Variants in DNAH11 observed in about 807,000 individuals in gnomAD.
DNAH11 encodes dynein axonemal heavy chain 11.
DNAH11 carries 442 observed loss-of-function variants against 526.0 expected under a neutral mutation model. The ratio of observed to expected loss-of-function variants is 0.84; its 90% confidence interval spans 0.78 to 0.91. The LOEUF (loss-of-function observed/expected upper bound fraction) is 0.91. DNAH11 is among the 40% of genes least tolerant of loss of function. The pLI is 0.00. For missense variants in DNAH11, 6,989 were observed against 5,448.7 expected (o/e 1.28, Z -8.90); for synonymous variants, 2,461 against 1,935.9 (o/e 1.27, Z -7.12).
intron 55 of DNAH11, among the ~76,000 whole-genome samples, chr7:21,769,800 T>C (rs1236974435): frequency 1.3e-5 from 2 of 152,090 alleles, no homozygotes; most frequent in Non-Finnish European, 2.9e-5. Context: ...TCATTTTTCC[T>C]CCACTCCTCC....
Position 21,779,033 on chromosome 7 carries a change from A to G in DNAH11, c.9412A>G (p.Ile3138Val), listed in dbSNP as rs1299029797. 2 of 1,613,400 alleles carry G rather than the reference A, an allele frequency of 1.2e-6. No homozygotes were observed. The highest frequency in any genetic ancestry group is 8.5e-7 in the Non-Finnish European group (1 of 1,179,620). Residue 3138 changes from isoleucine to valine, a missense_variant, in exon 57 of 82, where the codon ATC becomes GTC. By Grantham distance (29) the Ile-to-Val change is conservative (BLOSUM62 3). Coordinates refer to ENST00000409508, the MANE Select transcript of DNAH11 (RefSeq NM_001277115.2). ...GAGAAATCATGATGCCGAAGCTCTG[A>G]TCACAAAGATCGGCCTTCAGACGGA... ...QLRNHDAEALITKIGLQTEKV... is the reference protein window; with the variant it reads ...QLRNHDAEALVTKIGLQTEKV...
At chr7:21,571,781 G>T (rs66476925) in intron 7 of DNAH11, 25 bp from the exon 8 acceptor site, 2 of 1,581,754 alleles carry the variant, frequency 1.3e-6, no homozygotes, top group Non-Finnish European at 1.7e-6. Flanking sequence ...GTAGTGGAAA[G>T]GTCTTTACTG....
intron 61 of DNAH11, among the ~76,000 whole-genome samples, chr7:21,799,813 C>T (rs75878942): frequency 0.012 from 1,795 of 152,226 alleles, 38 homozygotes; most frequent in African/African-American, 0.041. Context: ...CAAATATAGT[C>T]TGTCTCTAAA....
At chr7:21,791,959 C>T (rs1788496815) in intron 61 of DNAH11, among the ~76,000 whole-genome samples, 1 of 152,176 alleles carries the variant, frequency 6.6e-6, no homozygotes, top group African/African-American at 2.4e-5. Context: ...GTACAGGAAG[C>T]ATAGCAGTTC....
intron 44 of DNAH11, among the ~76,000 whole-genome samples, chr7:21,724,208 T>C (rs1260035183): frequency 6.6e-6 from 1 of 152,234 alleles, no homozygotes; most frequent in Non-Finnish European, 1.5e-5. Flanking sequence ...AGTAATATCA[T>C]CTGAACTGTC....
At chr7:21,780,459 C>T (rs543613669) in intron 57 of DNAH11, among the ~76,000 whole-genome samples, 122 of 152,278 alleles carry the variant, frequency 8.0e-4, no homozygotes, top group South Asian at 2.3e-3. Flanking sequence ...TCACCGTTAG[C>T]TAATTCTACC....
At chr7:21,870,656 AT>A (rs2128036920) in intron 73 of DNAH11, among the ~76,000 whole-genome samples, 1 of 152,312 alleles carries the variant, frequency 6.6e-6, no homozygotes, top group African/African-American at 2.4e-5. Context: ...AAAATAAACT[AT>A]TTCCATTACT....
intron 68 of DNAH11, among the ~76,000 whole-genome samples, chr7:21,860,367 C>T (rs7789323): frequency 2.6e-5 from 4 of 151,830 alleles, no homozygotes; most frequent in African/African-American, 9.7e-5. Flanking sequence ...GGCACAGCCA[C>T]TATGGAAAAC....
At chr7:21,690,653 C>A in intron 34 of DNAH11, 112 bp from the exon 35 acceptor site, 2 of 736,780 alleles carry the variant, frequency 2.7e-6, no homozygotes, top group East Asian at 2.8e-5. Context: ...AAGAAAATTA[C>A]ACAGAATAAA....
rs1292305150 is a variant in DNAH11, at chr7:21,760,840, G to C, written c.8941-4588G>C. Among the ~76,000 whole-genome samples, 19 of 139,808 alleles carry C rather than the reference G, an allele frequency of 1.4e-4. No homozygotes were observed. The Admixed American group carries it at 1.5e-3, about 11-fold the overall frequency. The allele number at this position is 139,808 out of a possible 152,430, so 91.7% of individuals were successfully genotyped here. A position where few individuals can be genotyped will look rare whatever the true frequency, so the allele number is the denominator to read the frequency against. On this transcript the variant is annotated intron_variant, in intron 54 of 81. Coordinates refer to ENST00000409508, the MANE Select transcript of DNAH11 (RefSeq NM_001277115.2). Reference sequence around the variant, plus strand: ...GTGTAGCCCTTATTGGTGTATTCCAGATATTAACCAACAGCCCCTAAGGTG... The same window carrying C: ...GTGTAGCCCTTATTGGTGTATTCCACATATTAACCAACAGCCCCTAAGGTG...
At chr7:21,833,264 G>C (rs1760058039) in intron 65 of DNAH11, among the ~76,000 whole-genome samples, 1 of 152,170 alleles carries the variant, frequency 6.6e-6, no homozygotes, top group Non-Finnish European at 1.5e-5. Flanking sequence ...ACATAAACCT[G>C]GTGAAAATTC....
At chr7:21,865,173 G>A (rs1284432349) in intron 70 of DNAH11, among the ~76,000 whole-genome samples, 6 of 152,042 alleles carry the variant, frequency 3.9e-5, no homozygotes, top group African/African-American at 1.2e-4. Context: ...TCTGTCAAAG[G>A]CCCTATTGTT....
intron 66 of DNAH11, among the ~76,000 whole-genome samples, chr7:21,843,266 T>TA (rs1267977659): frequency 6.6e-6 from 1 of 151,844 alleles, no homozygotes; most frequent in African/African-American, 2.4e-5. Flanking sequence ...ATAATAAAGA[T>TA]AAAATCAGAA....
rs1349283508 is a variant in DNAH11, at chr7:21,900,702, A to AT, written c.13304-300dup. ...GGGGAGGAAATGTGGTGAACTGGAGATTTTTAAAGGGAGGGCAAACTAGTT... is the reference window on the plus strand; with the variant it reads ...GGGGAGGAAATGTGGTGAACTGGAGATTTTTTAAAGGGAGGGCAAACTAGTT... On this transcript the variant is annotated intron_variant, in intron 81 of 81. Transcript: ENST00000409508. 2.6e-5 allele frequency among the ~76,000 whole-genome samples: 4 copies of AT among 152,116 alleles called. 1 individual carries two copies. The highest frequency in any genetic ancestry group is 5.9e-5 in the Non-Finnish European group (4 of 67,976).
chr7:21,864,666 G>C lies in DNAH11; in HGVS notation c.11496+9G>C, dbSNP rs970223266. ...CATGGAGTGCTATCAAGGTATGTTA[G>C]GAATACAGTTTCTCAAATTCTGGAT... On this transcript the variant is annotated intron_variant, in intron 70 of 81. Transcript: ENST00000409508. 1.9e-6 allele frequency: 3 copies of C among 1,562,186 alleles called. No individual in the cohort carries two copies. Among genetic ancestry groups the C allele is most frequent in the South Asian group, 1.2e-5 (1 of 81,270 alleles).
intron 25 of DNAH11, among the ~76,000 whole-genome samples, chr7:21,627,079 A>C (rs1786375604): frequency 6.6e-6 from 1 of 151,902 alleles, no homozygotes; most frequent in African/African-American, 2.4e-5. Context: ...TGCCTATTCA[A>C]ATATTTTGCC....
intron 30 of DNAH11, among the ~76,000 whole-genome samples, chr7:21,675,907 C>T (rs1866671): frequency 0.5 from 76,579 of 151,844 alleles, 19,574 homozygotes; most frequent in African/African-American, 0.55. Context: ...AATAGAATGG[C>T]CAGGGAAGGC....
Position 21,735,639 on chromosome 7 carries a change from G to T in DNAH11, c.7441-1G>T. 6.3e-7 allele frequency: 1 copy of T among 1,575,574 alleles called. No individual in the cohort carries two copies. The stretch of plus-strand genomic sequence containing the variant: ...TTGTCTCATTCTGTTTCTCCTCCCA[G>T]ACAGTTCTCGTTCACACAACAGAGA... On this transcript the variant is annotated splice_acceptor_variant, in intron 45 of 81. Coordinates refer to ENST00000409508, the MANE Select transcript of DNAH11 (RefSeq NM_001277115.2). LOFTEE classifies it high-confidence loss of function.
chr7:21,871,992 TG>T, intron 73 of DNAH11, among the ~76,000 whole-genome samples: 1 of 150,978 alleles, frequency 6.6e-6, no homozygotes, highest in South Asian at 2.1e-4. Flanking sequence ...GGCGTGGTGG[TG>T]GGTGCCTGTA....
Sources: gnomAD v4.1 joint callset for allele counts (sites outside exome capture counted in the v4.1 genomes callset) on GRCh38, gnomAD v4.1.1 for gene constraint, MANE v1.5 for transcripts, NCBI Gene and HGNC (gene_info 2026-07-23, HGNC 2026-07-21) for gene names.